The following ATP10B variants were observed in gnomAD, a reference collection of about 807,000 sequenced individuals.
ATP10B encodes the protein phospholipid-transporting ATPase VB.
Under a neutral mutation model 141.2 loss-of-function variants are expected in ATP10B, and 122 were observed. The observed-to-expected ratio is 0.86, with a 90% CI of 0.75 to 1.00. The LOEUF (loss-of-function observed/expected upper bound fraction) is 1.00, where lower values mean the gene tolerates loss of function less well. Ranked by LOEUF, ATP10B falls within the 50% of genes least tolerant of loss-of-function variation. The probability of loss-of-function intolerance (pLI) is 0.00; values close to 1 mark genes in which losing one functional copy is unlikely to be tolerated. For missense variants in ATP10B, 1,876 were observed against 1,825.3 expected, an observed-to-expected ratio of 1.03 and a Z score of -0.51; for synonymous variants, 685 against 692.0, an observed-to-expected ratio of 0.99 and a Z score of 0.16.
chr5:160,813,707 G>A (rs1415786653), intron 1 of ATP10B, among the ~76,000 whole-genome samples: 2 of 152,216 alleles, frequency 1.3e-5, no homozygotes, highest in African/African-American at 4.8e-5. Flanking sequence ...CCTGACCCCT[G>A]AGTAGCCTAA....
Position 160,615,821 on chromosome 5 carries a change from G to C in ATP10B, c.2653+17C>G. 1 of 1,606,538 alleles carries C rather than the reference G, an allele frequency of 6.2e-7. No homozygotes were observed. The highest frequency in any genetic ancestry group is 2.2e-5 in the East Asian group (1 of 44,668). On this transcript the variant is annotated intron_variant, in intron 17 of 25. Transcript: ENST00000327245. ...TGCATTCCTTTTTTCCTATAATAAT[G>C]ACTTATTTTTAGCTACCAAGTAAGG...
At chr5:160,606,658 C>T in intron 19 of ATP10B, 107 bp downstream of exon 19, 1 of 1,125,956 alleles carries the variant, frequency 8.9e-7, no homozygotes, top group Non-Finnish European at 1.3e-6. Context: ...GACAATGACT[C>T]ACAGCCTAAG....
Position 160,652,889 on chromosome 5 carries a change from T to TTATATAATGTATTATATATACATGTA in ATP10B, c.676-3634_676-3633insTACATGTATATATAATACATTATATA, listed in dbSNP as rs1760908498. Among the ~76,000 whole-genome samples, 6 of 32,426 alleles carry TTATATAATGTATTATATATACATGTA rather than the reference T, an allele frequency of 1.9e-4. 1 individual carries two copies. The highest frequency in any genetic ancestry group is 7.7e-4 in the African/African-American group (6 of 7,778). The allele number at this position is 32,426 out of a possible 152,430, so 21.3% of individuals were successfully genotyped here. ...TATAATATATATAATATATATATAA[T>TTATATAATGTATTATATATACATGTA]TATATAATATATTATATATACATGT... is the stretch of plus-strand genomic sequence containing the variant. On this transcript the variant is annotated intron_variant, in intron 7 of 25. Coordinates refer to ENST00000327245, the MANE Select transcript of ATP10B (RefSeq NM_025153.3).
chr5:160,877,508 C>T, the ATP10B span, among the ~76,000 whole-genome samples: 1 of 149,534 alleles, frequency 6.7e-6, no homozygotes. Flanking sequence ...AACTCCTATT[C>T]AACATAGTGT....
the ATP10B span, among the ~76,000 whole-genome samples, chr5:160,914,718 G>T: frequency 6.6e-6 from 1 of 152,262 alleles, no homozygotes; most frequent in African/African-American, 2.4e-5. Flanking sequence ...CATACGCCCA[G>T]GTACTAACTA....
the ATP10B span, among the ~76,000 whole-genome samples, chr5:160,900,769 A>G: frequency 6.7e-6 from 1 of 149,922 alleles, no homozygotes; most frequent in South Asian, 2.1e-4. Flanking sequence ...TATCTGCATT[A>G]TGGGATGGTA....
At position 160,573,550 on chromosome 5, in the gene ATP10B, CTG is replaced by C. The variant is rs1297003133; in HGVS notation, c.3751-3869_3751-3868del. ...ATGAGTGGCTGGTGAGTGAGCATTA[CTG>C]CCTGAGCTCCAACTCCTGTCAGATT... is the stretch of plus-strand genomic sequence containing the variant. On this transcript the variant is annotated intron_variant, in intron 24 of 25. Coordinates refer to ENST00000327245, the MANE Select transcript of ATP10B (RefSeq NM_025153.3). Among the ~76,000 whole-genome samples the C allele has an allele frequency of 2.0e-5, 3 of 152,182 alleles. No individual in the cohort carries two copies. In the East Asian group the frequency reaches 5.8e-4, roughly 29 times the overall value.
chr5:160,780,897 A>T (rs1051745055), intron 2 of ATP10B, among the ~76,000 whole-genome samples: 7 of 152,182 alleles, frequency 4.6e-5, no homozygotes, highest in African/African-American at 1.7e-4. Flanking sequence ...TTTATATCTT[A>T]AGGGCTGCCA....
intron 1 of ATP10B, among the ~76,000 whole-genome samples, chr5:160,812,055 A>AGAGAGAGAGAGAGG (rs1554119662): frequency 1.3e-4 from 16 of 124,198 alleles, no homozygotes; most frequent in East Asian, 2.0e-4. Flanking sequence ...AGAGAGAGAG[A>AGAGAGAGAGAGAGG]GAGAGGGAGA....
the ATP10B span, among the ~76,000 whole-genome samples, chr5:160,866,700 A>C: frequency 1.3e-5 from 2 of 152,154 alleles, no homozygotes; most frequent in East Asian, 1.9e-4. Flanking sequence ...CAAAACCAAA[A>C]CAAAATAAAT....
intron 11 of ATP10B, among the ~76,000 whole-genome samples, chr5:160,635,096 A>G (rs548789978): frequency 6.6e-6 from 1 of 151,620 alleles, no homozygotes; most frequent in African/African-American, 2.4e-5. Context: ...GTGACAAAGA[A>G]CAAACAAATA....
chr5:160,808,503 A>G (rs925455746), intron 1 of ATP10B, among the ~76,000 whole-genome samples: 2 of 152,148 alleles, frequency 1.3e-5, no homozygotes, highest in African/African-American at 2.4e-5. Flanking sequence ...AAGGCTGAAG[A>G]ATCTATATCA....
chr5:160,613,958 G>A (rs1044163733), intron 17 of ATP10B: 1 of 152,002 alleles, frequency 6.6e-6, no homozygotes, highest in Admixed American at 6.6e-5. Context: ...TGGCAAAGTG[G>A]TTACGTTGGA....
chr5:160,652,240 G>A (rs1227480091), intron 7 of ATP10B, among the ~76,000 whole-genome samples: 2 of 151,860 alleles, frequency 1.3e-5, no homozygotes, highest in Non-Finnish European at 2.9e-5. Context: ...CTAGCTACTT[G>A]TCCCCTGGGC....
In ATP10B at chr5:160,771,621, A is replaced by T. The variant is rs578058302; in HGVS notation, c.-331+13938T>A. Among the ~76,000 whole-genome samples the T allele has an allele frequency of 4.6e-5, 7 of 152,308 alleles. No homozygotes were observed. In the East Asian group the frequency reaches 1.4e-3, roughly 29 times the overall value. ...TATAGTCAAGCTAATTAACATATTC[A>T]TAATCTCACATAGTCTCTCCCCACT... On this transcript the variant is annotated intron_variant, in intron 2 of 25. Coordinates refer to ENST00000327245, the MANE Select transcript of ATP10B (RefSeq NM_025153.3).
chr5:160,755,819 A>AT (rs1768497995), intron 2 of ATP10B, among the ~76,000 whole-genome samples: 1 of 48,872 alleles, frequency 2.0e-5, no homozygotes, highest in Non-Finnish European at 3.5e-5. Flanking sequence ...CGTCTCAAAA[A>AT]AAAAAAAAAA....
Position 160,643,260 on chromosome 5 carries a change from G to T in ATP10B, c.868+878C>A, listed in dbSNP as rs116380686. On this transcript the variant is annotated intron_variant, in intron 9 of 25. Transcript: ENST00000327245. ...AAATGCTTTTCTATGTCCATCAGAAGTGGGGTTCTATGGAGACCAAACCAA... is the reference window on the plus strand; with the variant it reads ...AAATGCTTTTCTATGTCCATCAGAATTGGGGTTCTATGGAGACCAAACCAA... Among the ~76,000 whole-genome samples the T allele has an allele frequency of 5.9e-3, 897 of 152,312 alleles. 16 individuals are homozygous for T. The highest frequency in any genetic ancestry group is 0.021 in the African/African-American group (857 of 41,558).
chr5:160,653,328 C>T (rs1372427052), intron 7 of ATP10B, among the ~76,000 whole-genome samples: 2 of 118,446 alleles, frequency 1.7e-5, no homozygotes, highest in Non-Finnish European at 3.4e-5. Context: ...AGTATATATA[C>T]ATACGTACAT....
At chr5:160,872,259 T>A in the ATP10B span, among the ~76,000 whole-genome samples, 3 of 152,184 alleles carry the variant, frequency 2.0e-5, no homozygotes, top group African/African-American at 7.2e-5. Flanking sequence ...TTTAGTTCAT[T>A]GTTGATTCTG....
Sources: gnomAD v4.1 joint callset for allele counts (sites outside exome capture counted in the v4.1 genomes callset) on GRCh38, gnomAD v4.1.1 for gene constraint, MANE v1.5 for transcripts, NCBI Gene and HGNC (gene_info 2026-07-23, HGNC 2026-07-21) for gene names.